The following CHST9 variants were observed in gnomAD, a reference collection of about 807,000 sequenced individuals.
CHST9 encodes the protein carbohydrate sulfotransferase 9, also known as GalNAc-4-sulfotransferase 2.
A neutral mutation model predicts 44.4 loss-of-function variants in CHST9; 41 were observed. The observed-to-expected ratio is 0.92, with a 90% CI of 0.72 to 1.20. The LOEUF (loss-of-function observed/expected upper bound fraction) is 1.20. CHST9 is among the 50% of genes most tolerant of loss of function. CHST9 has a pLI of 0.00. For missense variants in CHST9, 504 were observed against 516.5 expected, an observed-to-expected ratio of 0.98 and a Z score of 0.23; for synonymous variants, 171 against 178.4, an observed-to-expected ratio of 0.96 and a Z score of 0.33.
chr18:27,144,939 G>A (rs1237512514), intron 1 of CHST9, among the ~76,000 whole-genome samples: 1 of 151,940 alleles, frequency 6.6e-6, no homozygotes, highest in Non-Finnish European at 1.5e-5. Flanking sequence ...AGCTGTGACT[G>A]TGCCAATGTA....
chr18:27,105,433 A>T (rs1041355661), intron 2 of CHST9, among the ~76,000 whole-genome samples: 13 of 152,172 alleles, frequency 8.5e-5, no homozygotes, highest in African/African-American at 3.1e-4. Context: ...AGAGTCTCAT[A>T]ATAAAGAACA....
chr18:27,179,098 CTCTCTCTA>C (rs749165495), intron 1 of CHST9, among the ~76,000 whole-genome samples: 1,421 of 125,018 alleles, frequency 0.011, 14 homozygotes, highest in East Asian at 0.018. Context: ...CTCTCTCTCT[CTCTCTCTA>C]TATATATATA....
intron 4 of CHST9, among the ~76,000 whole-genome samples, chr18:26,978,488 C>T (rs1260747069): frequency 6.6e-6 from 1 of 152,146 alleles, no homozygotes; most frequent in Non-Finnish European, 1.5e-5. Context: ...CTTTCCTAGC[C>T]ACCTGAACCC....
chr18:26,953,588 C>T (rs921635519), intron 4 of CHST9, among the ~76,000 whole-genome samples: 3 of 151,994 alleles, frequency 2.0e-5, no homozygotes, highest in African/African-American at 7.3e-5. Flanking sequence ...TGAAGAAAAT[C>T]AAAGACAGCC....
chr18:27,114,065 G>C (rs73406613), intron 2 of CHST9, among the ~76,000 whole-genome samples: 1,955 of 152,282 alleles, frequency 0.013, 45 homozygotes, highest in African/African-American at 0.044. Context: ...TAAAGCTGAT[G>C]TAAATACAGC....
intron 1 of CHST9, among the ~76,000 whole-genome samples, chr18:27,182,228 T>C (rs1401258782): frequency 1.3e-5 from 2 of 152,242 alleles, no homozygotes; most frequent in Non-Finnish European, 2.9e-5. Flanking sequence ...ATGTAACATG[T>C]TCTTATGTAA....
At position 26,911,782 on chromosome 18, in the gene CHST9, C is replaced by T. The variant is rs903462047; in HGVS notation, c.*4477G>A. The T allele has an allele frequency of 2.8e-4, 43 of 152,304 alleles. No homozygotes were observed. The highest frequency in any genetic ancestry group is 1.0e-3 in the African/African-American group (42 of 41,564). The allele number at this position is 152,304 out of a possible 1,614,324, so 9.4% of individuals were successfully genotyped here. A position where few individuals can be genotyped will look rare whatever the true frequency, so the allele number is the denominator to read the frequency against. ...TTCTGTTGAACTCCCCAGACCTGGC[C>T]TTCCTCAGGTAATGATCACAGGCCT... On this transcript the variant is annotated 3_prime_UTR_variant, in exon 6 of 6. Transcript: ENST00000618847.
At chr18:27,041,811 A>G (rs1313209850) in intron 3 of CHST9, among the ~76,000 whole-genome samples, 5 of 152,166 alleles carry the variant, frequency 3.3e-5, no homozygotes, top group African/African-American at 1.2e-4. Context: ...CTGGCTGGAA[A>G]ATGAAATTTG....
intron 4 of CHST9, among the ~76,000 whole-genome samples, chr18:27,008,297 A>G (rs1189804014): frequency 6.6e-6 from 1 of 152,222 alleles, no homozygotes; most frequent in Non-Finnish European, 1.5e-5. Context: ...ATTAAATTTC[A>G]AACTAGGGGA....
intron 5 of CHST9, among the ~76,000 whole-genome samples, chr18:26,920,296 C>T (rs1336744892): frequency 6.6e-6 from 1 of 152,194 alleles, no homozygotes; most frequent in Non-Finnish European, 1.5e-5. Context: ...TTCACTGTTA[C>T]CCAGGTCTTA....
At position 26,933,391 on chromosome 18, in the gene CHST9, C is replaced by T. The variant is rs549087357; in HGVS notation, c.240+10938G>A. On this transcript the variant is annotated intron_variant, in intron 5 of 5. Coordinates refer to ENST00000618847, the MANE Select transcript of CHST9 (RefSeq NM_031422.6). ...ATGGGGTTCTGAAAAATATGTAATG[C>T]CTGACATGTAGTGTATACTCACTGA... Among the ~76,000 whole-genome samples, 6 of 152,232 alleles carry T rather than the reference C, an allele frequency of 3.9e-5. No individual in the cohort carries two copies. The South Asian group carries it at 1.2e-3, about 32-fold the overall frequency.
At chr18:27,079,182 G>A (rs73404841) in intron 2 of CHST9, among the ~76,000 whole-genome samples, 3,314 of 152,146 alleles carry the variant, frequency 0.022, 111 homozygotes, top group African/African-American at 0.074. Flanking sequence ...AAGGGATTAT[G>A]GACTTTCTTC....
chr18:27,122,398 TTA>T (rs1412697888), intron 2 of CHST9, among the ~76,000 whole-genome samples: 1 of 152,168 alleles, frequency 6.6e-6, no homozygotes, highest in Non-Finnish European at 1.5e-5. Flanking sequence ...CTATTCAGAG[TTA>T]CATTGAATAC....
At chr18:27,054,914 A>G (rs113385411) in intron 2 of CHST9, among the ~76,000 whole-genome samples, 4,850 of 152,224 alleles carry the variant, frequency 0.032, 213 homozygotes, top group African/African-American at 0.096. Flanking sequence ...CATATATACT[A>G]TATTTTCATG....
At chr18:26,952,947 G>A (rs1470054139) in intron 4 of CHST9, among the ~76,000 whole-genome samples, 5 of 152,114 alleles carry the variant, frequency 3.3e-5, no homozygotes, top group Non-Finnish European at 7.4e-5. Context: ...TTGGTCTTGG[G>A]AAACAAGTAG....
intron 3 of CHST9, among the ~76,000 whole-genome samples, chr18:27,029,150 C>G (rs2057314360): frequency 6.6e-6 from 1 of 151,964 alleles, no homozygotes; most frequent in Non-Finnish European, 1.5e-5. Flanking sequence ...TCCTGGTCAG[C>G]AGGAGAACAG....
At chr18:27,083,874 C>T (rs1030151253) in intron 2 of CHST9, among the ~76,000 whole-genome samples, 1 of 151,896 alleles carries the variant, frequency 6.6e-6, no homozygotes, top group African/African-American at 2.4e-5. Flanking sequence ...TATTGAAAGC[C>T]CTTTCTATAT....
chr18:27,142,636 A>T, intron 2 of CHST9, 53 bp downstream of exon 2: 1 of 1,279,704 alleles, frequency 7.8e-7, no homozygotes, highest in Admixed American at 2.6e-5. Context: ...AATTTAATTT[A>T]AAAATAGCTA....
intron 2 of CHST9, among the ~76,000 whole-genome samples, chr18:27,063,160 A>G (rs2057745216): frequency 6.6e-6 from 1 of 152,224 alleles, no homozygotes; most frequent in Admixed American, 6.5e-5. Flanking sequence ...TAGCTTGTAA[A>G]TAAGAAATAG....
Sources: gnomAD v4.1 joint callset for allele counts (sites outside exome capture counted in the v4.1 genomes callset) on GRCh38, gnomAD v4.1.1 for gene constraint, MANE v1.5 for transcripts, NCBI Gene and HGNC (gene_info 2026-07-23, HGNC 2026-07-21) for gene names.